The following PTPRM variants were observed in gnomAD, a reference collection of about 807,000 sequenced individuals.
The protein encoded by PTPRM is protein tyrosine phosphatase receptor type M.
PTPRM carries 47 observed loss-of-function variants against 186.7 expected under a neutral mutation model. The ratio of observed to expected loss-of-function variants is 0.25; its 90% confidence interval spans 0.20 to 0.32. PTPRM has a LOEUF of 0.32. Among genes scored for constraint, PTPRM ranks in the 10% least tolerant of loss-of-function variants. PTPRM has a pLI of 1.00. For synonymous variants in PTPRM, 668 were observed against 674.9 expected (o/e 0.99, Z 0.16); for missense variants, 1,494 against 1,865.0 (o/e 0.80, Z 3.66).
intron 19 of PTPRM, among the ~76,000 whole-genome samples, chr18:8,273,446 C>A (rs530059471): frequency 1.8e-4 from 28 of 152,258 alleles, no homozygotes; most frequent in African/African-American, 3.1e-4. Context: ...ATGTTCCATA[C>A]CCTCTGCTCA....
chr18:8,367,144 A>G (rs1277651814), intron 23 of PTPRM: 1 of 152,152 alleles, frequency 6.6e-6, no homozygotes, highest in African/African-American at 2.4e-5. Context: ...TTTAAGCAAA[A>G]TAATAACTTG....
At chr18:8,169,229 T>C (rs537879164) in intron 14 of PTPRM, among the ~76,000 whole-genome samples, 33 of 152,238 alleles carry the variant, frequency 2.2e-4, no homozygotes, top group African/African-American at 7.9e-4. Context: ...TTCATTTTCT[T>C]TCTCTTCCGC....
chr18:7,955,289 C>G lies in PTPRM; in HGVS notation c.1007C>G (p.Thr336Arg), dbSNP rs150274533. 12 of 1,613,968 alleles carry G rather than the reference C, an allele frequency of 7.4e-6. No individual in the cohort carries two copies. The highest frequency in any genetic ancestry group is 7.6e-6 in the Non-Finnish European group (9 of 1,180,044). The part of the protein sequence containing the change: ...SWNDRQPVDS[T>R]SYKIGHLDPD... Reference sequence around the variant, plus strand: ...AATGACCGGCAGCCAGTCGATTCCACGAGCTATAAAATTGGACACCTTGAC... The same window carrying G: ...AATGACCGGCAGCCAGTCGATTCCAGGAGCTATAAAATTGGACACCTTGAC... The change falls in exon 7 of 33, where the codon ACG (threonine) becomes AGG (arginine). Residue 336 changes from threonine to arginine, a missense_variant. By Grantham distance (71) the Thr-to-Arg change is moderately conservative. Coordinates refer to ENST00000580170, the MANE Select transcript of PTPRM (RefSeq NM_001105244.2).
In PTPRM at chr18:7,720,842, G is replaced by A. The variant is rs138343718; in HGVS notation, c.74-53307G>A. Among the ~76,000 whole-genome samples, 68 of 152,268 alleles carry A rather than the reference G, an allele frequency of 4.5e-4. 1 individual carries two copies. Among genetic ancestry groups the A allele is most frequent in the African/African-American group, 1.6e-3 (65 of 41,558 alleles). On this transcript the variant is annotated intron_variant, in intron 1 of 32. Coordinates refer to ENST00000580170, the MANE Select transcript of PTPRM (RefSeq NM_001105244.2). ...AAGGATGAATAATGTTCCATTGTAT[G>A]TGTATGTACCACATTTTGTCTGTCC...
intron 14 of PTPRM, among the ~76,000 whole-genome samples, chr18:8,201,495 C>T (rs1201548299): frequency 1.3e-5 from 2 of 152,132 alleles, no homozygotes; most frequent in East Asian, 3.8e-4. Context: ...GGTGCTATTA[C>T]TATATCTATT....
chr18:8,123,893 C>T (rs641156), intron 13 of PTPRM, among the ~76,000 whole-genome samples: 141,451 of 152,274 alleles, frequency 0.93, 65,758 homozygotes, highest in Admixed American at 0.95. Context: ...CAAGTACTTA[C>T]GAAATATAAT....
chr18:7,767,999 G>A (rs1052607035), intron 1 of PTPRM, among the ~76,000 whole-genome samples: 2 of 152,212 alleles, frequency 1.3e-5, no homozygotes, highest in African/African-American at 4.8e-5. Flanking sequence ...GAACTTTGGG[G>A]GATTCATTAC....
At chr18:7,695,641 T>C (rs2144673451) in intron 1 of PTPRM, among the ~76,000 whole-genome samples, 1 of 152,360 alleles carries the variant, frequency 6.6e-6, no homozygotes, top group South Asian at 2.1e-4. Context: ...ATGGTATTCT[T>C]GTTTAGTTTT....
chr18:7,665,137 G>T (rs1338139593), intron 1 of PTPRM, among the ~76,000 whole-genome samples: 1 of 152,252 alleles, frequency 6.6e-6, no homozygotes, highest in Non-Finnish European at 1.5e-5. Flanking sequence ...CAATTAATTT[G>T]CTATTGAAGG....
At chr18:7,689,811 AAAT>A (rs2039694332) in intron 1 of PTPRM, among the ~76,000 whole-genome samples, 1 of 152,188 alleles carries the variant, frequency 6.6e-6, no homozygotes, top group South Asian at 2.1e-4. Flanking sequence ...AATTTTTTAA[AAAT>A]AATATTCTTA....
At chr18:8,109,159 A>G (rs148809416) in intron 11 of PTPRM, among the ~76,000 whole-genome samples, 32 of 152,358 alleles carry the variant, frequency 2.1e-4, no homozygotes, top group African/African-American at 7.7e-4. Flanking sequence ...CACATCAGCT[A>G]TAAAGTTCTG....
chr18:7,929,143 G>A (rs1415762786), intron 5 of PTPRM, among the ~76,000 whole-genome samples: 1 of 152,052 alleles, frequency 6.6e-6, no homozygotes, highest in Non-Finnish European at 1.5e-5. Flanking sequence ...TGATTCCAGT[G>A]TGCACCCAGG....
intron 23 of PTPRM, among the ~76,000 whole-genome samples, chr18:8,352,330 T>A (rs1429454912): frequency 6.6e-6 from 1 of 152,174 alleles, no homozygotes; most frequent in African/African-American, 2.4e-5. Context: ...CATGGGCAGG[T>A]TTGTTAAATG....
At position 8,378,315 on chromosome 18, in the gene PTPRM, G is replaced by A. The variant is rs2095709420; in HGVS notation, c.3513G>A (p.Gly1171=). 6.2e-7 allele frequency: 1 copy of A among 1,612,784 alleles called. No homozygotes were observed. The highest frequency in any genetic ancestry group is 8.5e-7 in the Non-Finnish European group (1 of 1,178,808). ...HDAILEACLC[G]DTSVPASQVR... is the part of the protein sequence containing the mutation. ...CGATCCTGGAAGCCTGTCTTTGTGG[G>A]GACACCTCTGTGCCTGCTTCCCAAG... The change falls in exon 27 of 33, where the codon GGG becomes GGA. Residue 1171 remains glycine, a synonymous_variant. Transcript: ENST00000580170.
At chr18:7,624,903 G>A (rs1030414151) in intron 1 of PTPRM, among the ~76,000 whole-genome samples, 4 of 152,234 alleles carry the variant, frequency 2.6e-5, no homozygotes, top group African/African-American at 7.2e-5. Flanking sequence ...GCCTGGTGTA[G>A]GTGTAGTGAG....
At chr18:8,290,760 T>C (rs78303324) in intron 19 of PTPRM, among the ~76,000 whole-genome samples, 1,872 of 152,260 alleles carry the variant, frequency 0.012, 33 homozygotes, top group African/African-American at 0.042. Context: ...GCAGTATATA[T>C]GAGCTAAGGT....
At chr18:7,782,295 G>A (rs2042895005) in intron 2 of PTPRM, among the ~76,000 whole-genome samples, 1 of 151,934 alleles carries the variant, frequency 6.6e-6, no homozygotes, top group African/African-American at 2.4e-5. Context: ...GGGAGATGCT[G>A]GGTGATGGAG....
At chr18:8,162,123 G>A (rs1337833807) in intron 14 of PTPRM, among the ~76,000 whole-genome samples, 1 of 149,850 alleles carries the variant, frequency 6.7e-6, no homozygotes, top group African/African-American at 2.5e-5. Context: ...TTTTCCTACG[G>A]AGTTTCACTC....
intron 14 of PTPRM, among the ~76,000 whole-genome samples, chr18:8,217,870 C>CT (rs1162134230): frequency 2.6e-5 from 4 of 151,992 alleles, no homozygotes; most frequent in African/African-American, 4.8e-5. Context: ...TCTTTTTGCA[C>CT]TTTTTTTTAA....
Sources: gnomAD v4.1 joint callset for allele counts (sites outside exome capture counted in the v4.1 genomes callset) on GRCh38, gnomAD v4.1.1 for gene constraint, MANE v1.5 for transcripts, NCBI Gene and HGNC (gene_info 2026-07-23, HGNC 2026-07-21) for gene names.